FGF12: variants seen among roughly 807,000 people sequenced by gnomAD.
FGF12 encodes the protein fibroblast growth factor 12B.
Under a neutral mutation model 23.6 loss-of-function variants are expected in FGF12, and 14 were observed. The ratio of observed to expected loss-of-function variants is 0.59; its 90% confidence interval spans 0.39 to 0.93. The LOEUF is 0.93. Ranked by LOEUF, FGF12 falls within the 40% of genes least tolerant of loss-of-function variation. The pLI is 0.00. For synonymous variants in FGF12, 62 were observed against 77.3 expected (o/e 0.80, Z 1.04); for missense variants, 175 against 217.8 (o/e 0.80, Z 1.24).
At chr3:192,289,829 T>C (rs1057180329) in intron 4 of FGF12, among the ~76,000 whole-genome samples, 1 of 152,156 alleles carries the variant, frequency 6.6e-6, no homozygotes, top group East Asian at 1.9e-4. Flanking sequence ...ATTTACAAAA[T>C]AGGGATTACA....
At chr3:192,217,601 G>C (rs1718257339) in intron 4 of FGF12, among the ~76,000 whole-genome samples, 1 of 152,162 alleles carries the variant, frequency 6.6e-6, no homozygotes, top group Non-Finnish European at 1.5e-5. Context: ...GTCAATAATG[G>C]TTTTATGAAT....
At chr3:192,207,919 A>C (rs949929119) in intron 4 of FGF12, among the ~76,000 whole-genome samples, 1 of 152,170 alleles carries the variant, frequency 6.6e-6, no homozygotes, top group Non-Finnish European at 1.5e-5. Context: ...CACACTCACA[A>C]AGCTAAGCAG....
At chr3:192,281,196 A>G (rs1248542147) in intron 4 of FGF12, among the ~76,000 whole-genome samples, 1 of 152,190 alleles carries the variant, frequency 6.6e-6, no homozygotes, top group South Asian at 2.1e-4. Context: ...CAGCAAGGCC[A>G]TCTTCCCTCT....
chr3:192,669,245 T>C (rs1717013774), intron 2 of FGF12, among the ~76,000 whole-genome samples: 2 of 152,094 alleles, frequency 1.3e-5, no homozygotes, highest in African/African-American at 4.8e-5. Flanking sequence ...GGCTAGGACT[T>C]TTCCAGAAAT....
chr3:192,587,840 C>T (rs1003274649), intron 2 of FGF12, among the ~76,000 whole-genome samples: 3 of 151,820 alleles, frequency 2.0e-5, no homozygotes, highest in African/African-American at 7.2e-5. Context: ...TACGTAATCT[C>T]TCTCAAATCT....
intron 2 of FGF12, among the ~76,000 whole-genome samples, chr3:192,663,443 T>C (rs1474178017): frequency 6.6e-6 from 1 of 152,112 alleles, no homozygotes; most frequent in Admixed American, 6.5e-5. Flanking sequence ...GGGTGACTTG[T>C]TCTCAGGTCA....
chr3:192,437,179 G>C (rs1249561589), intron 2 of FGF12, among the ~76,000 whole-genome samples: 1 of 152,130 alleles, frequency 6.6e-6, no homozygotes, highest in Non-Finnish European at 1.5e-5. Flanking sequence ...TAAAAGGCTA[G>C]CGACTAGAGG....
At chr3:192,577,531 T>A (rs1277471210) in intron 2 of FGF12, among the ~76,000 whole-genome samples, 1 of 152,092 alleles carries the variant, frequency 6.6e-6, no homozygotes, top group Admixed American at 6.6e-5. Context: ...GTTGGAGAGA[T>A]GAAACCAGAA....
chr3:192,692,820 T>C (rs1238775864), intron 2 of FGF12, among the ~76,000 whole-genome samples: 2 of 151,838 alleles, frequency 1.3e-5, no homozygotes, highest in Non-Finnish European at 2.9e-5. Flanking sequence ...GAAAATTTAC[T>C]CAACATATTA....
At chr3:192,265,900 T>A (rs1713048554) in intron 4 of FGF12, among the ~76,000 whole-genome samples, 1 of 152,176 alleles carries the variant, frequency 6.6e-6, no homozygotes, top group South Asian at 2.1e-4. Flanking sequence ...ACTTGCTCTT[T>A]CTTTTGGCCA....
chr3:192,407,413 CTG>C (rs1721006457), intron 2 of FGF12, among the ~76,000 whole-genome samples: 2 of 151,942 alleles, frequency 1.3e-5, no homozygotes, highest in African/African-American at 4.8e-5. Flanking sequence ...AAAATGAAGA[CTG>C]TGTAAAGGAA....
intron 2 of FGF12, among the ~76,000 whole-genome samples, chr3:192,630,962 T>C (rs1715371372): frequency 1.3e-5 from 2 of 152,154 alleles, no homozygotes; most frequent in South Asian, 4.1e-4. Flanking sequence ...GTTTCACATC[T>C]GCAGGCACTT....
chr3:192,227,559 T>C (rs903317616), intron 4 of FGF12, among the ~76,000 whole-genome samples: 60 of 146,954 alleles, frequency 4.1e-4, no homozygotes, highest in African/African-American at 1.4e-3. Flanking sequence ...TTAAATTCCA[T>C]TTAGTGCTCA....
At chr3:192,332,565 A>T (rs187560149) in intron 4 of FGF12, among the ~76,000 whole-genome samples, 1 of 152,226 alleles carries the variant, frequency 6.6e-6, no homozygotes, top group African/African-American at 2.4e-5. Context: ...GTGCTACCTA[A>T]CACTCACTCC....
intron 2 of FGF12, among the ~76,000 whole-genome samples, chr3:192,599,269 A>AATAATAATAATAATTATAATT (rs1553837297): frequency 2.7e-5 from 4 of 148,078 alleles, no homozygotes; most frequent in African/African-American, 1.0e-4. Flanking sequence ...TAATAATAAT[A>AATAATAATAATAATTATAATT]ATAATAATAA....
chr3:192,196,569 T>C (rs1474661880), intron 4 of FGF12, among the ~76,000 whole-genome samples: 1 of 152,028 alleles, frequency 6.6e-6, no homozygotes, highest in East Asian at 1.9e-4. Flanking sequence ...AAAAATCCCA[T>C]CTATGCCATA....
At chr3:192,637,749 AG>A (rs1266348973) in intron 2 of FGF12, among the ~76,000 whole-genome samples, 3 of 152,226 alleles carry the variant, frequency 2.0e-5, no homozygotes, top group Non-Finnish European at 4.4e-5. Context: ...AATATATATA[AG>A]AAAAAATAAT....
intron 4 of FGF12, among the ~76,000 whole-genome samples, chr3:192,254,052 C>T (rs1712213188): frequency 6.6e-6 from 1 of 151,896 alleles, no homozygotes; most frequent in Non-Finnish European, 1.5e-5. Context: ...TAAATCCACT[C>T]TCTCAGTGAT....
intron 2 of FGF12, among the ~76,000 whole-genome samples, chr3:192,701,863 T>C (rs1161320996): frequency 6.6e-6 from 1 of 152,118 alleles, no homozygotes; most frequent in Non-Finnish European, 1.5e-5. Context: ...TCAGATAGCA[T>C]TTTTTTGTAA....
Sources: allele counts gnomAD v4.1 joint callset (sites outside exome capture counted in the v4.1 genomes callset), GRCh38; gene constraint gnomAD v4.1.1; transcripts MANE v1.5; gene names NCBI Gene and HGNC (gene_info 2026-07-23, HGNC 2026-07-21).